ANKRD35: variants seen among roughly 807,000 people sequenced by gnomAD.
The protein encoded by ANKRD35 is ankyrin repeat domain-containing protein 35.
ANKRD35 carries 102 observed loss-of-function variants against 109.9 expected under a neutral mutation model. The observed-to-expected ratio is 0.93, with a 90% CI of 0.79 to 1.09. The LOEUF (loss-of-function observed/expected upper bound fraction) is 1.09. Among genes scored for constraint, ANKRD35 ranks in the 50% least tolerant of loss-of-function variants. The pLI, the probability that ANKRD35 is intolerant of heterozygous loss-of-function variation, is 0.00. For synonymous variants in ANKRD35, 515 were observed against 512.4 expected, an observed-to-expected ratio of 1.01 and a Z score of -0.07; for missense variants, 1,240 against 1,230.1, an observed-to-expected ratio of 1.01 and a Z score of -0.12.
At chr1:145,871,865 G>A in intron 10 of ANKRD35, 117 bp downstream of exon 10, 1 of 1,319,516 alleles carries the variant, frequency 7.6e-7, no homozygotes, top group Non-Finnish European at 1.0e-6. Context: ...CTGGTGCTCC[G>A]TTTGGGGTAT....
At chr1:145,867,487 T>C in intron 12 of ANKRD35, 95 bp from the exon 13 acceptor site, 1 of 1,000,810 alleles carries the variant, frequency 1.0e-6, no homozygotes, top group Non-Finnish European at 1.6e-6. Context: ...GGAAGGCTAT[T>C]TATTTACTAT....
intron 1 of ANKRD35, among the ~76,000 whole-genome samples, chr1:145,880,159 G>A (rs1553740860): frequency 6.6e-6 from 1 of 152,168 alleles, no homozygotes; most frequent in Non-Finnish European, 1.5e-5. Flanking sequence ...AGCCACACCT[G>A]GGCATGCATT....
At chr1:145,867,502 C>T (rs1653651904) in intron 12 of ANKRD35, 110 bp from the exon 13 acceptor site, 1 of 859,314 alleles carries the variant, frequency 1.2e-6, no homozygotes, top group Admixed American at 2.0e-5. Flanking sequence ...TACTATATAC[C>T]TTCACTTATA....
At chr1:145,877,187 A>G (rs1654112223) in intron 4 of ANKRD35, among the ~76,000 whole-genome samples, 1 of 152,114 alleles carries the variant, frequency 6.6e-6, no homozygotes, top group Non-Finnish European at 1.5e-5. Context: ...ATTAGGAAGA[A>G]CGAAAGTAGA....
chr1:145,867,278 A>G lies in ANKRD35; in HGVS notation c.*43+9T>C, dbSNP rs1046117927. 5.1e-6 allele frequency: 8 copies of G among 1,565,432 alleles called. No individual in the cohort carries two copies. The highest frequency in any genetic ancestry group is 3.3e-5 in the Admixed American group (2 of 59,756). On this transcript the variant is annotated intron_variant, in intron 13 of 13. Transcript: ENST00000355594. ...CTCCTTCCCTCATCACCCTTAACCC[A>G]CAACTCACAACAGAGAATCTCGTAT... is the stretch of plus-strand genomic sequence containing the variant.
At chr1:145,878,274 C>A in intron 3 of ANKRD35, 117 bp downstream of exon 3, 1 of 1,168,274 alleles carries the variant, frequency 8.6e-7, no homozygotes, top group Non-Finnish European at 1.2e-6. Context: ...CCAGAACTTA[C>A]TAAGGAGAGA....
rs1553739081 is a variant in ANKRD35, at chr1:145,872,765, C to G, written c.2004G>C (p.Gln668His). 2 of 1,614,176 alleles carry G rather than the reference C, an allele frequency of 1.2e-6. No individual in the cohort carries two copies. Residue 668 changes from glutamine (Q) to histidine (H), a missense_variant, in exon 10 of 14, where the codon CAG (glutamine) becomes CAC (histidine). Gln to His is a conservative substitution (Grantham distance 24, BLOSUM62 0). Transcript: ENST00000355594. ...TCAGCAGCCCCACACTCTGTCGCAA[C>G]TGCTGTAGCTGGACCTGCGCCTGTG... Reference protein sequence around the residue: ...PKPQAQVQLQQLRQSVGLLTN... With the variant: ...PKPQAQVQLQHLRQSVGLLTN...
intron 2 of ANKRD35, 68 bp downstream of exon 2, chr1:145,879,190 T>C (rs902635483): frequency 2.7e-6 from 4 of 1,457,256 alleles, no homozygotes; most frequent in Admixed American, 2.3e-5. Context: ...TGGTCCTATG[T>C]TATATTGGAT....
intron 1 of ANKRD35, among the ~76,000 whole-genome samples, chr1:145,881,043 T>C (rs1043512604): frequency 1.3e-5 from 2 of 152,228 alleles, no homozygotes; most frequent in Admixed American, 1.3e-4. Context: ...CCCAGCACTT[T>C]GGGAGGCCAA....
Position 145,873,704 on chromosome 1 carries a change from T to C in ANKRD35, c.1065A>G (p.Ser355=), listed in dbSNP as rs781918003. The part of the protein sequence containing the change: ...GVLLSWEPRA[S]GKQGSSLRPG... ...GCCGGAGACTAGAGCCTTGCTTTCC[T>C]GAAGCTCTGGGCTCCCAGGATAGGA... Residue 355 remains serine (S), a synonymous_variant, in exon 10 of 14, where the codon TCA becomes TCG. Transcript: ENST00000355594. The C allele has an allele frequency of 1.2e-6, 2 of 1,614,048 alleles. No homozygotes were observed.
At position 145,873,518 on chromosome 1, in the gene ANKRD35, A is replaced by G. The variant is rs373131719; in HGVS notation, c.1251T>C (p.His417=). ...CCTGTTCTTCTGGTTGGGACCTTCC[A>G]TGGACTTCATACTGGATCTTTCCTG... ...SAPGKIQYEV[H]GRSQPEEQGP... The change falls in exon 10 of 14, where the codon CAT becomes CAC. Residue 417 remains histidine (H), a synonymous_variant. Transcript: ENST00000355594. The G allele has an allele frequency of 8.1e-6, 13 of 1,613,790 alleles. No individual in the cohort carries two copies. In the African/African-American group the frequency reaches 1.7e-4, roughly 22 times the overall value.
In ANKRD35 at chr1:145,872,906, T is replaced by C. The variant is rs1653897405; in HGVS notation, c.1863A>G (p.Arg621=). 1 of 1,614,054 alleles carries C rather than the reference T, an allele frequency of 6.2e-7. No individual in the cohort carries two copies. The highest frequency in any genetic ancestry group is 2.2e-5 in the East Asian group (1 of 44,888). Residue 621 remains arginine (R), a synonymous_variant, in exon 10 of 14, where the codon AGA becomes AGG. Coordinates refer to ENST00000355594, the MANE Select transcript of ANKRD35 (RefSeq NM_144698.5). ...CCTCCAGCAAGTTACTGTTGCTCAGTCTCAGTACTGACATCTCCTTCTCCA... is the reference window on the plus strand; with the variant it reads ...CCTCCAGCAAGTTACTGTTGCTCAGCCTCAGTACTGACATCTCCTTCTCCA... ...GQLEKEMSVL[R]LSNSNLLEEL...
At chr1:145,881,394 A>C (rs1654279324) in intron 1 of ANKRD35, among the ~76,000 whole-genome samples, 1 of 152,244 alleles carries the variant, frequency 6.6e-6, no homozygotes, top group Non-Finnish European at 1.5e-5. Flanking sequence ...ACTTATTTCC[A>C]GATAAACAGT....
At chr1:145,874,222 GAGAAGAC>G in intron 8 of ANKRD35, 30 bp from the exon 9 acceptor site, 1 of 1,610,866 alleles carries the variant, frequency 6.2e-7, no homozygotes, top group Non-Finnish European at 8.5e-7. Flanking sequence ...GAAAATGAGA[GAGAAGAC>G]AGGTTCCATG....
Position 145,876,772 on chromosome 1 carries a change from CT to C in ANKRD35, c.382+43del, listed in dbSNP as rs781936027. ...CTCCTCACGCCTCCCCTTTCCCACC[CT>C]GTAGTCTCTGCAGCCCTGTTCCCAT... On this transcript the variant is annotated intron_variant, in intron 5 of 13. Transcript: ENST00000355594. 3 of 1,613,506 alleles carry C rather than the reference CT, an allele frequency of 1.9e-6. No individual in the cohort carries two copies. In the Admixed American group the frequency reaches 5.0e-5, roughly 27 times the overall value.
At chr1:145,868,519 A>C in intron 10 of ANKRD35, 119 bp from the exon 11 acceptor site, 1 of 781,328 alleles carries the variant, frequency 1.3e-6, no homozygotes, top group Non-Finnish European at 2.1e-6. Context: ...AAATTGTCTC[A>C]TTTAACACTC....
intron 4 of ANKRD35, among the ~76,000 whole-genome samples, chr1:145,877,295 C>T (rs1553740312): frequency 4.0e-5 from 6 of 148,216 alleles, no homozygotes. Flanking sequence ...TGCAGTGGTG[C>T]GATCTTGGAT....
In ANKRD35 at chr1:145,872,972, A is replaced by G. The variant is rs1553739177; in HGVS notation, c.1797T>C (p.Leu599=). ...GGCCTCCTAGGGCCTTTTCCCCTCC[A>G]AGGGCCCCTAGAGGCTCTCCTTGAG... The part of the protein sequence containing the change: ...PGAQGEPLGA[L]GGEKALGGLA... The change falls in exon 10 of 14, where the codon CTT becomes CTC. Residue 599 remains leucine (L), a synonymous_variant. Coordinates refer to ENST00000355594, the MANE Select transcript of ANKRD35 (RefSeq NM_144698.5). 3 of 1,609,358 alleles carry G rather than the reference A, an allele frequency of 1.9e-6. No homozygotes were observed. Among genetic ancestry groups the G allele is most frequent in the South Asian group, 1.1e-5 (1 of 90,562 alleles).
Position 145,870,236 on chromosome 1 carries a change from C to T in ANKRD35, c.2787+1746G>A, listed in dbSNP as rs587688271. On this transcript the variant is annotated intron_variant, in intron 10 of 13. Coordinates refer to ENST00000355594, the MANE Select transcript of ANKRD35 (RefSeq NM_144698.5). ...CTCTCCGAGTAGCTGGGAGTACAGG[C>T]GCCCACCACCACGCCCGGATAATTT... is the stretch of plus-strand genomic sequence containing the variant. 2.2e-4 allele frequency among the ~76,000 whole-genome samples: 34 copies of T among 151,798 alleles called. No homozygotes were observed. In the East Asian group the frequency reaches 3.5e-3, roughly 16 times the overall value.
Sources: allele counts gnomAD v4.1 joint callset (sites outside exome capture counted in the v4.1 genomes callset), GRCh38; gene constraint gnomAD v4.1.1; transcripts MANE v1.5; gene names NCBI Gene and HGNC (gene_info 2026-07-23, HGNC 2026-07-21).